The following GPLD1 variants were observed in gnomAD, a reference collection of about 807,000 sequenced individuals.
GPLD1 encodes the protein phosphatidylinositol-glycan-specific phospholipase D.
GPLD1 carries 84 observed loss-of-function variants against 112.6 expected under a neutral mutation model. The ratio of observed to expected loss-of-function variants is 0.75; its 90% CI spans 0.63 to 0.89. The LOEUF is 0.89. Among genes scored for constraint, GPLD1 ranks in the 40% least tolerant of loss-of-function variants. The pLI, the probability that GPLD1 is intolerant of heterozygous loss-of-function variation, is 0.00. For synonymous variants in GPLD1, 386 were observed against 403.8 expected (o/e 0.96, Z 0.53); for missense variants, 1,044 against 1,051.5 (o/e 0.99, Z 0.10).
chr6:24,467,270 C>T lies in GPLD1; in HGVS notation c.550G>A (p.Val184Met), dbSNP rs1335557757. 4 of 1,540,358 alleles carry T rather than the reference C, an allele frequency of 2.6e-6. No homozygotes were observed. Among genetic ancestry groups the T allele is most frequent in the Middle Eastern group, 1.7e-4 (1 of 5,928 alleles). ...ATTCCCAGTAGATCTTTGACTGGCA[C>T]ATACCTGAAAAATGCAGAATAAAGT... Reference protein sequence around the residue: ...NFNYLARRWYVPVKDLLGIYE... With the variant: ...NFNYLARRWYMPVKDLLGIYE... Residue 184 changes from valine (V) to methionine (M), a missense_variant, in exon 8 of 25, where the codon GTG becomes ATG. Coordinates refer to ENST00000230036, the MANE Select transcript of GPLD1 (RefSeq NM_001503.4).
At position 24,426,954 on chromosome 6, in the gene GPLD1, A is replaced by T. The variant is rs559325763; in HGVS notation, c.*2078T>A. Among the ~76,000 whole-genome samples, 1 of 152,132 alleles carries T rather than the reference A, an allele frequency of 6.6e-6. No individual in the cohort carries two copies. Among genetic ancestry groups the T allele is most frequent in the Non-Finnish European group, 1.5e-5 (1 of 67,992 alleles). ...ACCCAGAGATGCTCTCTAGGGATGTACCTCTTGATGTTCTTGTTAACTTTC... is the reference window on the plus strand; with the variant it reads ...ACCCAGAGATGCTCTCTAGGGATGTTCCTCTTGATGTTCTTGTTAACTTTC... On this transcript the variant is annotated 3_prime_UTR_variant, in exon 25 of 25. Coordinates refer to ENST00000230036, the MANE Select transcript of GPLD1 (RefSeq NM_001503.4).
chr6:24,437,370 A>G (rs1762612801), intron 20 of GPLD1, 81 bp from the exon 21 acceptor site: 35 of 1,297,998 alleles, frequency 2.7e-5, no homozygotes, highest in Middle Eastern at 3.8e-4. Context: ...TCCTCAAGTG[A>G]CACTGATCAC....
intron 14 of GPLD1, among the ~76,000 whole-genome samples, chr6:24,451,011 A>AAATT (rs1763062085): frequency 6.6e-6 from 1 of 152,214 alleles, no homozygotes; most frequent in Non-Finnish European, 1.5e-5. Flanking sequence ...ATAAATAAAT[A>AAATT]AAAATTCAGT....
Position 24,483,899 on chromosome 6 carries a change from A to C in GPLD1, c.153+2176T>G, listed in dbSNP as rs1370687713. ...GCTAGGATTAGAGGCATGCCCCACCACTTTGTTTTGTTTTGTTTTGTTTTG... is the reference window on the plus strand; with the variant it reads ...GCTAGGATTAGAGGCATGCCCCACCCCTTTGTTTTGTTTTGTTTTGTTTTG... On this transcript the variant is annotated intron_variant, in intron 2 of 24. Transcript: ENST00000230036. Among the ~76,000 whole-genome samples, 3 of 104,492 alleles carry C rather than the reference A, an allele frequency of 2.9e-5. No homozygotes were observed. In the East Asian group the frequency reaches 7.3e-4, roughly 26 times the overall value. The allele number at this position is 104,492 out of a possible 152,430, so 68.6% of individuals were successfully genotyped here. A position where few individuals can be genotyped will look rare whatever the true frequency, so the allele number is the denominator to read the frequency against.
intron 3 of GPLD1, 58 bp downstream of exon 3, chr6:24,479,823 G>C (rs1279063150): frequency 4.1e-5 from 36 of 879,194 alleles, no homozygotes; most frequent in Middle Eastern, 2.2e-4. Flanking sequence ...TAAAGTCATA[G>C]CTATTCCTAT....
downstream of GPLD1, chr6:24,425,664 A>G (rs1055202605): frequency 6.6e-6 from 1 of 152,224 alleles, no homozygotes; most frequent in Non-Finnish European, 1.5e-5. Context: ...GTAGGTACCA[A>G]ACACTGGGTT....
At chr6:24,424,633 T>C (rs541559764), downstream of GPLD1, 1 of 152,322 alleles carries the variant, frequency 6.6e-6, no homozygotes, top group South Asian at 2.1e-4. Flanking sequence ...TGCCATCCTC[T>C]TTAACATCCT....
rs1176622637 is a variant in GPLD1, at chr6:24,446,936, C to T, written c.1722G>A (p.Glu574=). 3.7e-6 allele frequency: 6 copies of T among 1,613,728 alleles called. No individual in the cohort carries two copies. Among genetic ancestry groups the T allele is most frequent in the South Asian group, 3.3e-5 (3 of 91,026 alleles). The stretch of plus-strand genomic sequence containing the variant: ...AATATCCAAACCAGGAGAAGTCTTC[C>T]TCGCCTCTCACCGTCCAGTTGGCTG... ...VEAANWTVRG[E]EDFSWFGYSL... The change falls in exon 18 of 25, where the codon GAG becomes GAA. Residue 574 remains glutamate, a synonymous_variant. Transcript: ENST00000230036.
chr6:24,472,816 C>A (rs369144472), intron 6 of GPLD1, among the ~76,000 whole-genome samples, 180 bp from the exon 7 acceptor site: 3 of 151,450 alleles, frequency 2.0e-5, no homozygotes, highest in African/African-American at 7.3e-5. Flanking sequence ...GCTCTTATTG[C>A]CCAGGCTGGA....
chr6:24,473,946 G>A (rs1322720440), intron 5 of GPLD1, among the ~76,000 whole-genome samples: 1 of 152,080 alleles, frequency 6.6e-6, no homozygotes, highest in African/African-American at 2.4e-5. Flanking sequence ...CCAACATAGT[G>A]AAACCCCATC....
chr6:24,480,931 C>T (rs115278465), intron 2 of GPLD1, among the ~76,000 whole-genome samples: 2,254 of 152,336 alleles, frequency 0.015, 30 homozygotes, highest in South Asian at 0.037. Context: ...CCTCGTGTTG[C>T]AGCTCTGGCT....
intron 12 of GPLD1, among the ~76,000 whole-genome samples, chr6:24,459,974 C>A (rs1015741533): frequency 6.6e-6 from 1 of 152,138 alleles, no homozygotes; most frequent in African/African-American, 2.4e-5. Context: ...TCATAGCTCA[C>A]TGTAGCCTTG....
chr6:24,459,218 T>C (rs1179274617), intron 12 of GPLD1, among the ~76,000 whole-genome samples: 5 of 151,756 alleles, frequency 3.3e-5, no homozygotes, highest in African/African-American at 9.7e-5. Context: ...CTCTGTCTGA[T>C]AGCCTCCAAG....
intron 20 of GPLD1, among the ~76,000 whole-genome samples, chr6:24,442,230 T>G (rs1302038452): frequency 6.6e-6 from 1 of 151,080 alleles, no homozygotes; most frequent in Non-Finnish European, 1.5e-5. Context: ...TCAAGTGATC[T>G]TCCCACCTCA....
intron 15 of GPLD1, 37 bp from the exon 16 acceptor site, chr6:24,448,245 T>C: frequency 7.1e-7 from 1 of 1,400,358 alleles, no homozygotes. Context: ...CATGAGGCTC[T>C]GGTGGTGACC....
chr6:24,494,197 T>C (rs974539547), upstream of GPLD1, among the ~76,000 whole-genome samples: 1 of 152,198 alleles, frequency 6.6e-6, no homozygotes, highest in Non-Finnish European at 1.5e-5. Flanking sequence ...TTGAACGCTA[T>C]ATTGAATTTA....
intron 7 of GPLD1, among the ~76,000 whole-genome samples, chr6:24,469,392 T>C (rs1763723492): frequency 8.1e-6 from 1 of 123,042 alleles, no homozygotes; most frequent in African/African-American, 3.1e-5. Flanking sequence ...TGTCCAACAA[T>C]GATAGACTGG....
At position 24,486,144 on chromosome 6, in the gene GPLD1, A is replaced by G; in HGVS notation, c.98-14T>C. 1 of 1,496,662 alleles carries G rather than the reference A, an allele frequency of 6.7e-7. No individual in the cohort carries two copies. Among genetic ancestry groups the G allele is most frequent in the Non-Finnish European group, 9.3e-7 (1 of 1,080,306 alleles). 92.7% of individuals were successfully genotyped at this position (1,496,662 alleles called of 1,614,324 possible). ...GAGCTCTGTGTCCTGAGAGAAATAA[A>G]TACATAAATCAATTAAGTTCAACTA... is the stretch of plus-strand genomic sequence containing the variant. On this transcript the variant is annotated splice_polypyrimidine_tract_variant and intron_variant, in intron 1 of 24. Transcript: ENST00000230036.
At chr6:24,476,816 C>G (rs1764034605) in intron 3 of GPLD1, among the ~76,000 whole-genome samples, 1 of 152,084 alleles carries the variant, frequency 6.6e-6, no homozygotes, top group South Asian at 2.1e-4. Flanking sequence ...CAGTGCGTGT[C>G]CCATGTAGCT....
Sources: gnomAD v4.1 joint callset for allele counts (sites outside exome capture counted in the v4.1 genomes callset) on GRCh38, gnomAD v4.1.1 for gene constraint, MANE v1.5 for transcripts, NCBI Gene and HGNC (gene_info 2026-07-23, HGNC 2026-07-21) for gene names.